Variants in CD86 observed in about 807,000 individuals in gnomAD.
The protein encoded by CD86 is CD86 molecule.
In CD86, 11 loss-of-function variants were observed where a neutral mutation model predicts 32.1. The observed-to-expected ratio is 0.34, with a 90% CI of 0.22 to 0.57. CD86 has a LOEUF of 0.57. CD86 is among the 20% of genes least tolerant of loss of function. The pLI, the probability that CD86 is intolerant of heterozygous loss-of-function variation, is 0.86. For missense variants in CD86, 359 were observed against 398.4 expected (o/e 0.90, Z 0.84); for synonymous variants, 137 against 135.3 (o/e 1.01, Z -0.09).
At chr3:122,093,328 A>G (rs1461210431) in intron 2 of CD86, among the ~76,000 whole-genome samples, 2 of 152,102 alleles carry the variant, frequency 1.3e-5, no homozygotes, top group African/African-American at 2.4e-5. Context: ...GACTTATTTT[A>G]TTTATTTGAT....
chr3:122,091,471 C>G (rs1479857754), intron 1 of CD86, 130 bp from the exon 2 acceptor site: 2 of 723,448 alleles, frequency 2.8e-6, no homozygotes, highest in Non-Finnish European at 4.9e-6. Context: ...TGATGAAGCC[C>G]TGGCATTGTC....
chr3:122,119,033 C>T (rs972311647), intron 6 of CD86, among the ~76,000 whole-genome samples: 1 of 152,100 alleles, frequency 6.6e-6, no homozygotes, highest in Non-Finnish European at 1.5e-5. Context: ...CAGAGACAAC[C>T]GAGAGTACCC....
intron 5 of CD86, 120 bp downstream of exon 5, chr3:122,109,528 G>GA: frequency 2.6e-6 from 3 of 1,155,568 alleles, no homozygotes; most frequent in Admixed American, 2.1e-5. Flanking sequence ...AAGTTGTTGG[G>GA]AAAAAAGGTT....
At chr3:122,110,926 G>C in intron 5 of CD86, among the ~76,000 whole-genome samples, 1 of 152,124 alleles carries the variant, frequency 6.6e-6, no homozygotes, top group East Asian at 1.9e-4. Flanking sequence ...AACAAAGAAG[G>C]GTTGGAGAAA....
In CD86 at chr3:122,103,828, T is replaced by C; in HGVS notation, c.381T>C (p.Asn127=). The C allele has an allele frequency of 1.2e-6, 2 of 1,613,488 alleles. No individual in the cohort carries two copies. Among genetic ancestry groups the C allele is most frequent in the Non-Finnish European group, 8.5e-7 (1 of 1,179,504 alleles). Residue 127 remains asparagine (N), a synonymous_variant, in exon 3 of 7, where the codon AAT becomes AAC. Coordinates refer to ENST00000330540, the MANE Select transcript of CD86 (RefSeq NM_175862.5). ...GAATGATTCGCATCCACCAGATGAA[T>C]TCTGAACTGTCAGTGCTTGGTATGT... ...PTGMIRIHQM[N]SELSVLANFS...
At chr3:122,057,945 G>T (rs35891398) in intron 1 of CD86, among the ~76,000 whole-genome samples, 13,181 of 152,266 alleles carry the variant, frequency 0.087, 588 homozygotes, top group East Asian at 0.11. Context: ...GGCTGCTGGG[G>T]TTTGAATACC....
intron 1 of CD86, among the ~76,000 whole-genome samples, chr3:122,071,036 C>A (rs1008156733): frequency 2.0e-5 from 3 of 152,176 alleles, no homozygotes; most frequent in Non-Finnish European, 4.4e-5. Flanking sequence ...TTCCCATCTA[C>A]TCCCTTTGTG....
At chr3:122,118,177 A>G in intron 6 of CD86, 84 bp downstream of exon 6, 3 of 1,138,266 alleles carry the variant, frequency 2.6e-6, no homozygotes, top group Non-Finnish European at 4.0e-6. Flanking sequence ...TGCCTAACAT[A>G]TGTTGAGACC....
intron 1 of CD86, among the ~76,000 whole-genome samples, chr3:122,062,976 C>T (rs903008403): frequency 1.3e-5 from 2 of 152,196 alleles, no homozygotes; most frequent in South Asian, 2.1e-4. Flanking sequence ...GACCTCCTAA[C>T]TATAGATAAG....
At chr3:122,085,665 AG>A (rs2072704927) in intron 1 of CD86, among the ~76,000 whole-genome samples, 1 of 152,142 alleles carries the variant, frequency 6.6e-6, no homozygotes. Flanking sequence ...GTTCAGGCAA[AG>A]GGCAGGATGA....
At chr3:122,081,187 A>T (rs1025639223) in intron 1 of CD86, among the ~76,000 whole-genome samples, 5 of 152,154 alleles carry the variant, frequency 3.3e-5, no homozygotes, top group African/African-American at 1.2e-4. Flanking sequence ...ATCTCCCATT[A>T]TTTATCCAAA....
intron 3 of CD86, among the ~76,000 whole-genome samples, chr3:122,105,271 T>C (rs1267811300): frequency 6.6e-6 from 1 of 152,206 alleles, no homozygotes; most frequent in Non-Finnish European, 1.5e-5. Context: ...CAGATCTTGT[T>C]AATGAAGCTA....
chr3:122,098,003 G>A (rs1461217113), intron 2 of CD86, among the ~76,000 whole-genome samples: 10 of 152,196 alleles, frequency 6.6e-5, no homozygotes, highest in Non-Finnish European at 1.3e-4. Flanking sequence ...CCCCTTCAGA[G>A]ACTGCCATGC....
chr3:122,062,505 T>C (rs1469333753), intron 1 of CD86, among the ~76,000 whole-genome samples: 1 of 152,202 alleles, frequency 6.6e-6, no homozygotes, highest in Non-Finnish European at 1.5e-5. Context: ...TTCAGTTTTG[T>C]GGTAAATATA....
intron 1 of CD86, among the ~76,000 whole-genome samples, chr3:122,081,616 C>T (rs769513884): frequency 6.6e-6 from 1 of 152,174 alleles, no homozygotes; most frequent in Non-Finnish European, 1.5e-5. Context: ...AGGAAGACAG[C>T]GTTTCTCAGA....
intron 1 of CD86, among the ~76,000 whole-genome samples, chr3:122,070,204 A>G (rs1214836663): frequency 6.6e-6 from 1 of 152,180 alleles, no homozygotes; most frequent in African/African-American, 2.4e-5. Flanking sequence ...GAAGACATCT[A>G]GACAAAAATG....
chr3:122,110,038 G>A (rs1433947235), intron 5 of CD86, among the ~76,000 whole-genome samples: 2 of 151,956 alleles, frequency 1.3e-5, no homozygotes, highest in Admixed American at 6.5e-5. Flanking sequence ...AATCTATGTT[G>A]TTTTCCATAA....
At chr3:122,113,583 A>C (rs2073206348) in intron 5 of CD86, among the ~76,000 whole-genome samples, 1 of 151,982 alleles carries the variant, frequency 6.6e-6, no homozygotes, top group African/African-American at 2.4e-5. Flanking sequence ...GGTGGTTTTA[A>C]TTTGCATTTC....
chr3:122,108,942 C>CTCA (rs898427080), intron 4 of CD86, among the ~76,000 whole-genome samples: 14 of 152,306 alleles, frequency 9.2e-5, no homozygotes, highest in African/African-American at 3.4e-4. Context: ...CGTGCAGAGC[C>CTCA]TCAGCACAGA....
Sources: gnomAD v4.1 joint callset for allele counts (sites outside exome capture counted in the v4.1 genomes callset) on GRCh38, gnomAD v4.1.1 for gene constraint, MANE v1.5 for transcripts, NCBI Gene and HGNC (gene_info 2026-07-23, HGNC 2026-07-21) for gene names.